XKR9: variants seen among roughly 807,000 people sequenced by gnomAD.
XKR9 encodes the protein XK-related protein 9.
Under a neutral mutation model 32.0 loss-of-function variants are expected in XKR9, and 32 were observed. The ratio of observed to expected loss-of-function variants is 1.00; its 90% CI spans 0.76 to 1.34. The LOEUF is 1.34. Ranked by LOEUF, XKR9 falls within the 40% of genes most tolerant of loss-of-function variation. The pLI is 0.00. For missense variants in XKR9, 546 were observed against 429.7 expected, an observed-to-expected ratio of 1.27 and a Z score of -2.39; for synonymous variants, 168 against 143.4, an observed-to-expected ratio of 1.17 and a Z score of -1.22.
the XKR9 span, among the ~76,000 whole-genome samples, chr8:70,855,089 T>A: frequency 6.6e-6 from 1 of 152,072 alleles, no homozygotes; most frequent in Non-Finnish European, 1.5e-5. Context: ...GGGGATGGCA[T>A]TGAATCTATA....
the XKR9 span, among the ~76,000 whole-genome samples, chr8:70,996,686 C>T: frequency 6.6e-6 from 1 of 152,132 alleles, no homozygotes; most frequent in African/African-American, 2.4e-5. Context: ...CATCTGTACC[C>T]AAAATGTGGC....
At chr8:71,009,856 T>G in the XKR9 span, among the ~76,000 whole-genome samples, 1 of 152,168 alleles carries the variant, frequency 6.6e-6, no homozygotes, top group Non-Finnish European at 1.5e-5. Context: ...GCAAATTAAA[T>G]AAATACACCT....
the XKR9 span, among the ~76,000 whole-genome samples, chr8:70,971,024 T>C: frequency 2.0e-5 from 3 of 152,200 alleles, no homozygotes; most frequent in Non-Finnish European, 2.9e-5. Context: ...TGTGGTACTT[T>C]TAGTTCTTTA....
At chr8:70,976,799 G>A in the XKR9 span, among the ~76,000 whole-genome samples, 1 of 152,208 alleles carries the variant, frequency 6.6e-6, no homozygotes, top group Non-Finnish European at 1.5e-5. Context: ...AATGGGACCA[G>A]CTCCTGTTTG....
chr8:70,857,493 A>T, the XKR9 span, among the ~76,000 whole-genome samples: 1 of 152,218 alleles, frequency 6.6e-6, no homozygotes, highest in Non-Finnish European at 1.5e-5. Flanking sequence ...AACCAAAAAA[A>T]GTCCAAGACC....
the XKR9 span, among the ~76,000 whole-genome samples, chr8:70,885,862 C>T: frequency 6.6e-6 from 1 of 152,124 alleles, no homozygotes; most frequent in Non-Finnish European, 1.5e-5. Flanking sequence ...TCCCAAAGTG[C>T]TGGGATTACA....
Position 70,754,892 on chromosome 8 carries a change from C to T in XKR9, n.353-34447C>T, listed in dbSNP as rs543229404. 1.4e-4 allele frequency among the ~76,000 whole-genome samples: 22 copies of T among 152,222 alleles called. No homozygotes were observed. In the East Asian group the frequency reaches 4.1e-3, roughly 28 times the overall value. On this transcript the variant is annotated intron_variant and non_coding_transcript_variant, in intron 2 of 3. Coordinates refer to the XKR9 transcript ENST00000520273. ...TCTAAAACACCAAAAGCAATGGCAACAAAAGCCAAAATTGACAATTGGGAT... is the reference window on the plus strand; with the variant it reads ...TCTAAAACACCAAAAGCAATGGCAATAAAAGCCAAAATTGACAATTGGGAT...
At chr8:70,740,551 G>T (rs1323205723), downstream of XKR9, among the ~76,000 whole-genome samples, 27 of 148,786 alleles carry the variant, frequency 1.8e-4, no homozygotes, top group Admixed American at 6.7e-4. Context: ...CTGCTTTTTA[G>T]AGTTTCCAGT....
chr8:71,062,520 C>T, the XKR9 span, among the ~76,000 whole-genome samples: 2 of 152,146 alleles, frequency 1.3e-5, no homozygotes, highest in African/African-American at 4.8e-5. Flanking sequence ...TTTCCACATA[C>T]AAATCTGGCG....
the XKR9 span, among the ~76,000 whole-genome samples, chr8:70,942,872 A>G: frequency 6.6e-6 from 1 of 152,176 alleles, no homozygotes; most frequent in Admixed American, 6.5e-5. Context: ...CCAGCCCATA[A>G]GTCTTACCTA....
At chr8:70,943,154 C>G in the XKR9 span, among the ~76,000 whole-genome samples, 2 of 152,146 alleles carry the variant, frequency 1.3e-5, no homozygotes, top group Admixed American at 1.3e-4. Flanking sequence ...GTTGAAAAAC[C>G]TATTCAGTAT....
the XKR9 span, among the ~76,000 whole-genome samples, chr8:70,841,577 A>G: frequency 1.3e-5 from 2 of 152,078 alleles, no homozygotes; most frequent in Non-Finnish European, 2.9e-5. Context: ...ACCAGTTGTC[A>G]TGTCTCTCTA....
chr8:70,949,337 A>G, the XKR9 span, among the ~76,000 whole-genome samples: 2 of 152,052 alleles, frequency 1.3e-5, no homozygotes, highest in Non-Finnish European at 2.9e-5. Context: ...GTGGATGGTG[A>G]AACTTTAAAA....
the XKR9 span, among the ~76,000 whole-genome samples, chr8:70,804,678 GT>G: frequency 2.0e-5 from 3 of 152,142 alleles, no homozygotes; most frequent in East Asian, 5.8e-4. Context: ...TTTATACTGA[GT>G]TTTTGTGTAG....
intron 3 of XKR9, among the ~76,000 whole-genome samples, chr8:70,687,066 ACATTTGTGCACC>A (rs934781187): frequency 9.8e-5 from 14 of 142,664 alleles, no homozygotes; most frequent in African/African-American, 3.5e-4. Context: ...CATTCTAACT[ACATTTGTGCACC>A]CATTAACCAT....
the XKR9 span, among the ~76,000 whole-genome samples, chr8:70,855,396 A>C: frequency 6.6e-6 from 1 of 152,174 alleles, no homozygotes; most frequent in South Asian, 2.1e-4. Context: ...AGACGAAATG[A>C]ATGAAATGAA....
At chr8:70,824,275 T>C in the XKR9 span, among the ~76,000 whole-genome samples, 1 of 152,162 alleles carries the variant, frequency 6.6e-6, no homozygotes, top group Non-Finnish European at 1.5e-5. Flanking sequence ...AAGTAAACAA[T>C]ACTTATAAGT....
the XKR9 span, among the ~76,000 whole-genome samples, chr8:70,855,110 G>C: frequency 1.3e-5 from 2 of 151,992 alleles, no homozygotes; most frequent in African/African-American, 2.4e-5. Context: ...AATTACCTTG[G>C]ACAGTATGAT....
chr8:70,793,326 C>T (rs879785633), downstream of XKR9, among the ~76,000 whole-genome samples: 10 of 151,906 alleles, frequency 6.6e-5, no homozygotes, highest in Non-Finnish European at 1.5e-4. Flanking sequence ...GAAGGCTCTG[C>T]CCTCATGAAT....
Sources: allele counts gnomAD v4.1 joint callset (sites outside exome capture counted in the v4.1 genomes callset), GRCh38; gene constraint gnomAD v4.1.1; transcripts MANE v1.5; gene names NCBI Gene and HGNC (gene_info 2026-07-23, HGNC 2026-07-21).